Variants in PLCB1 observed in about 807,000 individuals in gnomAD.
PLCB1 encodes 1-phosphatidylinositol 4,5-bisphosphate phosphodiesterase beta-1.
PLCB1 carries 46 observed loss-of-function variants against 161.8 expected under a neutral mutation model. The ratio of observed to expected loss-of-function variants is 0.28; its 90% CI spans 0.22 to 0.36. The LOEUF (loss-of-function observed/expected upper bound fraction) is 0.36. Ranked by LOEUF, PLCB1 falls within the 10% of genes least tolerant of loss-of-function variation. The probability of loss-of-function intolerance (pLI) is 1.00; values close to 1 mark genes in which losing one functional copy is unlikely to be tolerated. For synonymous variants in PLCB1, 517 were observed against 503.7 expected (o/e 1.03, Z -0.35); for missense variants, 1,016 against 1,472.5 (o/e 0.69, Z 5.07).
chr20:8,881,855 C>G lies in PLCB1; in HGVS notation c.*6C>G, dbSNP rs1307371563. ...AATTTGATACTCCTCTGTGAATGCT[C>G]CTGCCAGGCCTTCAGAAATTGCATG... On this transcript the variant is annotated 3_prime_UTR_variant, in exon 32 of 32. Coordinates refer to ENST00000338037, the MANE Select transcript of PLCB1 (RefSeq NM_015192.4). The G allele has an allele frequency of 6.3e-7, 1 of 1,587,442 alleles. No individual in the cohort carries two copies. The highest frequency in any genetic ancestry group is 8.6e-7 in the Non-Finnish European group (1 of 1,156,146).
intron 11 of PLCB1, among the ~76,000 whole-genome samples, chr20:8,702,116 G>A (rs1321954754): frequency 1.3e-5 from 2 of 152,150 alleles, no homozygotes; most frequent in African/African-American, 4.8e-5. Context: ...CCTGTTTACT[G>A]TATGGGTCAA....
At chr20:8,691,712 T>C (rs1016785726) in intron 10 of PLCB1, among the ~76,000 whole-genome samples, 8 of 152,196 alleles carry the variant, frequency 5.3e-5, no homozygotes, top group Non-Finnish European at 1.2e-4. Flanking sequence ...TAGCAATGCA[T>C]TATTATTATG....
At chr20:8,550,173 T>C (rs1985721393) in intron 3 of PLCB1, among the ~76,000 whole-genome samples, 1 of 152,174 alleles carries the variant, frequency 6.6e-6, no homozygotes, top group Non-Finnish European at 1.5e-5. Flanking sequence ...GGACTTGGAC[T>C]TTTGGGTTAA....
chr20:8,395,275 T>A (rs1437825666), intron 3 of PLCB1, among the ~76,000 whole-genome samples: 2 of 152,090 alleles, frequency 1.3e-5, no homozygotes, highest in East Asian at 3.8e-4. Flanking sequence ...TTTTATTTTA[T>A]GGGTCTCTGA....
intron 2 of PLCB1, among the ~76,000 whole-genome samples, chr20:8,303,078 C>T (rs1438765016): frequency 2.0e-5 from 3 of 152,172 alleles, no homozygotes; most frequent in Non-Finnish European, 4.4e-5. Flanking sequence ...TAAGGAGTAG[C>T]CTTTCCTTGT....
chr20:8,449,306 T>C (rs1980970324), intron 3 of PLCB1, among the ~76,000 whole-genome samples: 1 of 152,204 alleles, frequency 6.6e-6, no homozygotes, highest in African/African-American at 2.4e-5. Context: ...TAAACACTCT[T>C]GGCTACCATA....
intron 2 of PLCB1, among the ~76,000 whole-genome samples, chr20:8,168,079 G>A (rs749139045): frequency 6.6e-6 from 1 of 152,180 alleles, no homozygotes; most frequent in Non-Finnish European, 1.5e-5. Flanking sequence ...CACTGGCAGA[G>A]TTCTGAAACA....
Position 8,722,498 on chromosome 20 carries a change from C to G in PLCB1, c.1581+77C>G, listed in dbSNP as rs6086563. ...CCTGGGTCTGTCTCATGGTCACTTT[C>G]TGCCATCTAGTGGCAAAAAGTAGAT... On this transcript the variant is annotated intron_variant, in intron 15 of 31. Coordinates refer to ENST00000338037, the MANE Select transcript of PLCB1 (RefSeq NM_015192.4). The G allele has an allele frequency of 0.76, 804,546 of 1,064,930 alleles. 308,549 individuals are homozygous for G. The highest frequency in any genetic ancestry group is 0.83 in the East Asian group (28,936 of 34,900). 66.0% of individuals were successfully genotyped at this position (1,064,930 alleles called of 1,614,324 possible).
intron 3 of PLCB1, among the ~76,000 whole-genome samples, chr20:8,431,560 ATGTT>A (rs1412376378): frequency 6.6e-6 from 1 of 152,100 alleles, no homozygotes; most frequent in Non-Finnish European, 1.5e-5. Flanking sequence ...TTGTGACTGG[ATGTT>A]TGGTTTTCAG....
At chr20:8,345,554 T>C (rs527252323) in intron 2 of PLCB1, among the ~76,000 whole-genome samples, 1 of 152,288 alleles carries the variant, frequency 6.6e-6, no homozygotes, top group East Asian at 1.9e-4. Context: ...CCTCCAGCAG[T>C]CACAGGTGCT....
At chr20:8,570,615 C>CTGAAATCCCAG in intron 3 of PLCB1, among the ~76,000 whole-genome samples, 3 of 86,360 alleles carry the variant, frequency 3.5e-5, no homozygotes, top group South Asian at 2.9e-4. Context: ...TCTCACGCAG[C>CTGAAATCCCAG]TGACACCTAC....
chr20:8,479,451 A>G (rs1001768989), intron 3 of PLCB1, among the ~76,000 whole-genome samples: 1 of 152,234 alleles, frequency 6.6e-6, no homozygotes, highest in Non-Finnish European at 1.5e-5. Context: ...ATCTATGTCT[A>G]TTAACTGACA....
intron 2 of PLCB1, among the ~76,000 whole-genome samples, chr20:8,230,300 T>TATGGGATAC (rs997768251): frequency 2.6e-5 from 4 of 152,096 alleles, no homozygotes; most frequent in Admixed American, 6.6e-5. Flanking sequence ...TACATGTGGT[T>TATGGGATAC]ATGGGATACA....
At chr20:8,591,992 C>A (rs1987164318) in intron 3 of PLCB1, among the ~76,000 whole-genome samples, 1 of 151,982 alleles carries the variant, frequency 6.6e-6, no homozygotes, top group Non-Finnish European at 1.5e-5. Flanking sequence ...AGGATGGAAC[C>A]CAAGCCCAAA....
intron 26 of PLCB1, among the ~76,000 whole-genome samples, chr20:8,770,909 T>C (rs1036141887): frequency 1.3e-5 from 2 of 152,216 alleles, no homozygotes; most frequent in Admixed American, 1.3e-4. Context: ...ACTGTACATA[T>C]TTGTTTATTC....
chr20:8,797,350 TCTAAA>T (rs1984077213), intron 31 of PLCB1, among the ~76,000 whole-genome samples: 2 of 152,194 alleles, frequency 1.3e-5, no homozygotes, highest in African/African-American at 4.8e-5. Context: ...CTGCAAAAAC[TCTAAA>T]CTATCATGAA....
intron 31 of PLCB1, among the ~76,000 whole-genome samples, chr20:8,803,672 C>T (rs1038849066): frequency 1.3e-5 from 2 of 152,088 alleles, no homozygotes; most frequent in Non-Finnish European, 1.5e-5. Context: ...ATTTCTTCTT[C>T]GTTTGGATAT....
At chr20:8,577,684 A>T (rs1296622998) in intron 3 of PLCB1, among the ~76,000 whole-genome samples, 1 of 152,214 alleles carries the variant, frequency 6.6e-6, no homozygotes, top group Non-Finnish European at 1.5e-5. Context: ...AGATAAATCC[A>T]TGGACAGTAA....
At chr20:8,159,757 T>C (rs1416273349) in intron 2 of PLCB1, among the ~76,000 whole-genome samples, 1 of 151,548 alleles carries the variant, frequency 6.6e-6, no homozygotes, top group Non-Finnish European at 1.5e-5. Flanking sequence ...GGAGGCTGAG[T>C]TGGGTGGATC....
Sources: gnomAD v4.1 joint callset for allele counts (sites outside exome capture counted in the v4.1 genomes callset) on GRCh38, gnomAD v4.1.1 for gene constraint, MANE v1.5 for transcripts, NCBI Gene and HGNC (gene_info 2026-07-23, HGNC 2026-07-21) for gene names.